Variants in KATNAL1 observed in about 807,000 individuals in gnomAD.
KATNAL1 encodes the protein katanin catalytic subunit A1 like 1.
A neutral mutation model predicts 55.2 loss-of-function variants in KATNAL1; 32 were observed. That is an observed-to-expected ratio of 0.58 (90% CI 0.44 to 0.78). KATNAL1 has a LOEUF of 0.78. KATNAL1 is among the 30% of genes least tolerant of loss of function. KATNAL1 has a pLI of 0.00. For missense variants in KATNAL1, 466 were observed against 600.9 expected, an observed-to-expected ratio of 0.78 and a Z score of 2.35; for synonymous variants, 193 against 193.6, an observed-to-expected ratio of 1.00 and a Z score of 0.02.
intron 3 of KATNAL1, among the ~76,000 whole-genome samples, chr13:30,274,481 T>C (rs1334024325): frequency 1.3e-5 from 2 of 152,190 alleles, no homozygotes; most frequent in African/African-American, 4.8e-5. Flanking sequence ...AAACACAGTA[T>C]ACCATTGCCC....
rs1193666971 is a variant in KATNAL1 at position 30,212,960 on chromosome 13, A to C, written c.1148-2518T>G. 3.9e-5 allele frequency among the ~76,000 whole-genome samples: 6 copies of C among 152,254 alleles called. No homozygotes were observed. The South Asian group carries it at 6.2e-4, about 16-fold the overall frequency. ...ACATGACTGGTGTCCTTATAAGAAG[A>C]AGCGGTTAGGACACAAAAACCCCTA... On this transcript the variant is annotated intron_variant, in intron 9 of 10. Transcript: ENST00000380615.
At chr13:30,270,896 A>C (rs1372006772) in intron 3 of KATNAL1, among the ~76,000 whole-genome samples, 1 of 151,706 alleles carries the variant, frequency 6.6e-6, no homozygotes, top group East Asian at 1.9e-4. Context: ...AGAAACACCC[A>C]AGAATGATCA....
At chr13:30,296,727 C>G in intron 1 of KATNAL1, 1 of 552,636 alleles carries the variant, frequency 1.8e-6, no homozygotes, top group Non-Finnish European at 3.5e-6. Context: ...TTTCTCCAAA[C>G]AAAATTAGGC....
intron 8 of KATNAL1, among the ~76,000 whole-genome samples, chr13:30,229,948 C>CTTTTTTTT (rs35961753): frequency 7.3e-6 from 1 of 137,078 alleles, no homozygotes; most frequent in Non-Finnish European, 1.5e-5. Flanking sequence ...AGAAGAGGGG[C>CTTTTTTTT]TTTTTTTTTT....
In KATNAL1 at chr13:30,204,370, G is replaced by A. The variant is rs1872922652; in HGVS notation, c.*4170C>T. The stretch of plus-strand genomic sequence containing the variant: ...CTCAATAACCTAGACAATACTGAAG[G>A]AACCGAAGTCCACTCACACAACATG... On this transcript the variant is annotated 3_prime_UTR_variant, in exon 11 of 11. Transcript: ENST00000380615. 1 of 152,108 alleles carries A rather than the reference G, an allele frequency of 6.6e-6. No homozygotes were observed. The highest frequency in any genetic ancestry group is 2.1e-4 in the South Asian group (1 of 4,816). 9.4% of individuals were successfully genotyped at this position (152,108 alleles called of 1,614,324 possible). A position where few individuals can be genotyped will look rare whatever the true frequency, so the allele number is the denominator to read the frequency against.
intron 3 of KATNAL1, among the ~76,000 whole-genome samples, chr13:30,261,014 G>A (rs556746237): frequency 0.017 from 2,632 of 151,812 alleles, 70 homozygotes; most frequent in African/African-American, 0.061. Context: ...GACTAACAGC[G>A]GATCTCTCGG....
intron 4 of KATNAL1, among the ~76,000 whole-genome samples, chr13:30,246,860 G>A (rs927304364): frequency 6.6e-6 from 1 of 152,032 alleles, no homozygotes; most frequent in African/African-American, 2.4e-5. Flanking sequence ...CACACAATTA[G>A]AATGGCAATT....
intron 3 of KATNAL1, among the ~76,000 whole-genome samples, chr13:30,257,499 G>C (rs1878891808): frequency 6.6e-6 from 1 of 152,156 alleles, no homozygotes; most frequent in Non-Finnish European, 1.5e-5. Context: ...CCATGGCTGG[G>C]CTTGCTGTGA....
chr13:30,230,199 G>C lies in KATNAL1; in HGVS notation c.1012+269C>G, dbSNP rs1593854214. Among the ~76,000 whole-genome samples the C allele has an allele frequency of 2.0e-5, 3 of 152,288 alleles. No homozygotes were observed. The South Asian group carries it at 6.2e-4, about 32-fold the overall frequency. ...GGTCTCAAAGATCCCTAGGACTCTA[G>C]ATCATGCCTCCAGAAACTTTGCTCC... On this transcript the variant is annotated intron_variant, in intron 8 of 10. Coordinates refer to ENST00000380615, the MANE Select transcript of KATNAL1 (RefSeq NM_032116.5).
chr13:30,208,776 C>T (rs1160262844), intron 10 of KATNAL1, 38 bp from the exon 11 acceptor site: 8 of 1,436,252 alleles, frequency 5.6e-6, no homozygotes, highest in African/African-American at 1.4e-5. Flanking sequence ...GTAATTTTTG[C>T]ACATGTTTTA....
chr13:30,220,691 C>A (rs1429257903), intron 9 of KATNAL1, among the ~76,000 whole-genome samples: 1 of 151,862 alleles, frequency 6.6e-6, no homozygotes, highest in Non-Finnish European at 1.5e-5. Flanking sequence ...TCAGTAAATT[C>A]TTTTTCTTGT....
chr13:30,209,213 G>C (rs1873428837), intron 10 of KATNAL1, among the ~76,000 whole-genome samples: 1 of 152,200 alleles, frequency 6.6e-6, no homozygotes, highest in African/African-American at 2.4e-5. Flanking sequence ...TCCCTACATG[G>C]AGTATTTGTA....
At chr13:30,249,542 A>G (rs1878107570) in intron 4 of KATNAL1, among the ~76,000 whole-genome samples, 1 of 152,374 alleles carries the variant, frequency 6.6e-6, no homozygotes, top group African/African-American at 2.4e-5. Context: ...GTGATATACT[A>G]CTATATGACA....
intron 8 of KATNAL1, among the ~76,000 whole-genome samples, chr13:30,230,084 A>G (rs1412003091): frequency 6.6e-6 from 1 of 151,904 alleles, no homozygotes; most frequent in Non-Finnish European, 1.5e-5. Flanking sequence ...TCTACTGTAC[A>G]CTTGTGAGAG....
Position 30,262,045 on chromosome 13 carries a change from G to T in KATNAL1, c.324-6430C>A, listed in dbSNP as rs777672377. Among the ~76,000 whole-genome samples, 307 of 152,080 alleles carry T rather than the reference G, an allele frequency of 2.0e-3. 1 individual carries two copies. The highest frequency in any genetic ancestry group is 4.0e-3 in the Non-Finnish European group (270 of 67,972). On this transcript the variant is annotated intron_variant, in intron 3 of 10. Coordinates refer to ENST00000380615, the MANE Select transcript of KATNAL1 (RefSeq NM_032116.5). ...CTCAGACCACAGTGCAATCAAACTA[G>T]AACTCAGGATTAAGAATCTCACTCA...
intron 6 of KATNAL1, among the ~76,000 whole-genome samples, chr13:30,236,254 G>A (rs572233366): frequency 1.2e-4 from 19 of 152,286 alleles, no homozygotes; most frequent in African/African-American, 4.3e-4. Context: ...TCCTGAATTT[G>A]TAGCCAGCTG....
intron 2 of KATNAL1, among the ~76,000 whole-genome samples, chr13:30,282,262 T>C (rs897999625): frequency 6.6e-6 from 1 of 152,178 alleles, no homozygotes; most frequent in Admixed American, 6.5e-5. Flanking sequence ...CTCATTTGTA[T>C]TTTTAAGGAG....
chr13:30,291,540 C>T (rs1261293186), intron 1 of KATNAL1, among the ~76,000 whole-genome samples: 2 of 152,102 alleles, frequency 1.3e-5, no homozygotes, highest in African/African-American at 4.8e-5. Context: ...ATCCCAGCAG[C>T]CTTTTTAGGA....
intron 1 of KATNAL1, among the ~76,000 whole-genome samples, chr13:30,303,396 A>T (rs1238321276): frequency 2.0e-5 from 3 of 152,162 alleles, no homozygotes; most frequent in African/African-American, 7.2e-5. Context: ...ATCACTGAAG[A>T]GAAAAATGTT....
Sources: allele counts gnomAD v4.1 joint callset (sites outside exome capture counted in the v4.1 genomes callset), GRCh38; gene constraint gnomAD v4.1.1; transcripts MANE v1.5; gene names NCBI Gene and HGNC (gene_info 2026-07-23, HGNC 2026-07-21).